The following CHLSN variants were observed in gnomAD, a reference collection of about 807,000 sequenced individuals.
CHLSN encodes the protein protein cholesin.
At chr7:1,069,412 C>T in the CHLSN span, among the ~76,000 whole-genome samples, 5 of 149,096 alleles carry the variant, frequency 3.4e-5, no homozygotes, top group African/African-American at 7.4e-5. Flanking sequence ...CATGCGGAGC[C>T]GAAGCTGGAC....
the CHLSN span, among the ~76,000 whole-genome samples, chr7:1,117,508 C>G: frequency 7.2e-6 from 1 of 138,710 alleles, no homozygotes; most frequent in Non-Finnish European, 1.5e-5. Context: ...GACATCCACG[C>G]AGGATGATGA....
the CHLSN span, among the ~76,000 whole-genome samples, chr7:1,035,897 C>T: frequency 4.6e-5 from 7 of 152,210 alleles, no homozygotes; most frequent in Non-Finnish European, 7.3e-5. Flanking sequence ...AGATGCCCTT[C>T]AGTAGGGGAC....
the CHLSN span, among the ~76,000 whole-genome samples, chr7:1,089,103 T>C: frequency 6.6e-6 from 1 of 152,122 alleles, no homozygotes; most frequent in East Asian, 1.9e-4. Flanking sequence ...TTCCAAAATT[T>C]CTACATTTAA....
chr7:1,053,801 TG>T, the CHLSN span, among the ~76,000 whole-genome samples: 4 of 152,188 alleles, frequency 2.6e-5, no homozygotes, highest in South Asian at 2.1e-4. Flanking sequence ...CACTCCAGCC[TG>T]GGCAACAGAG....
the CHLSN span, among the ~76,000 whole-genome samples, chr7:1,031,879 G>A: frequency 1.1e-4 from 16 of 151,968 alleles, no homozygotes; most frequent in Non-Finnish European, 1.3e-4. Context: ...GTCCAGGTGC[G>A]GGGGGCGGCC....
the CHLSN span, among the ~76,000 whole-genome samples, chr7:1,010,465 C>T: frequency 6.6e-6 from 1 of 152,224 alleles, no homozygotes; most frequent in African/African-American, 2.4e-5. Flanking sequence ...CCCCACCCCA[C>T]ACAGTGTGGG....
the CHLSN span, chr7:983,349 G>A: frequency 1.3e-6 from 2 of 1,537,600 alleles, no homozygotes; most frequent in Non-Finnish European, 1.7e-6. Context: ...ACCTGCACTT[G>A]CTGCGTCTGT....
At chr7:1,071,046 G>C in the CHLSN span, among the ~76,000 whole-genome samples, 1 of 152,208 alleles carries the variant, frequency 6.6e-6, no homozygotes, top group African/African-American at 2.4e-5. Flanking sequence ...ATGCAGCCCC[G>C]AGGCAGTGCC....
chr7:1,032,028 G>C, the CHLSN span, among the ~76,000 whole-genome samples: 3 of 152,142 alleles, frequency 2.0e-5, no homozygotes, highest in African/African-American at 7.2e-5. Flanking sequence ...GGCACCCCAA[G>C]ACCATGTGGA....
chr7:1,016,411 A>G, the CHLSN span, among the ~76,000 whole-genome samples: 3 of 77,108 alleles, frequency 3.9e-5, no homozygotes, highest in East Asian at 9.0e-4. Context: ...AGCAGCACAC[A>G]GCAGCGCACG....
the CHLSN span, chr7:988,672 C>G: frequency 6.2e-7 from 1 of 1,600,770 alleles, no homozygotes; most frequent in Non-Finnish European, 8.5e-7. Context: ...TGGCCAGGAC[C>G]GAGCTCTTCC....
chr7:1,016,711 G>A, the CHLSN span, among the ~76,000 whole-genome samples: 4 of 125,834 alleles, frequency 3.2e-5, 1 homozygote, highest in Non-Finnish European at 6.6e-5. Flanking sequence ...GCACACGCCA[G>A]CGCACAGCAG....
At chr7:1,083,996 T>A in the CHLSN span, among the ~76,000 whole-genome samples, 1,979 of 152,348 alleles carry the variant, frequency 0.013, 42 homozygotes, top group African/African-American at 0.045. Context: ...TGACAGCAGC[T>A]AACCTCCCCA....
the CHLSN span, among the ~76,000 whole-genome samples, chr7:1,044,844 G>T: frequency 6.6e-6 from 1 of 152,220 alleles, no homozygotes; most frequent in Admixed American, 6.5e-5. Flanking sequence ...GCTGTCCTCC[G>T]GCCGCGCTCC....
At chr7:979,562 G>A in the CHLSN span, among the ~76,000 whole-genome samples, 1 of 152,108 alleles carries the variant, frequency 6.6e-6, no homozygotes, top group African/African-American at 2.4e-5. Context: ...GACCAGCCTG[G>A]CCAACATGGT....
At chr7:997,827 T>A in the CHLSN span, 4 of 1,591,550 alleles carry the variant, frequency 2.5e-6, no homozygotes, top group Admixed American at 7.0e-5. Context: ...GAGATCGAGT[T>A]GGTCAGGGGC....
the CHLSN span, among the ~76,000 whole-genome samples, chr7:1,001,842 G>C: frequency 8.8e-6 from 1 of 114,158 alleles, no homozygotes; most frequent in African/African-American, 3.6e-5. Context: ...TGGGTGGGGA[G>C]TCCTGTGGGT....
chr7:992,479 C>T, the CHLSN span, among the ~76,000 whole-genome samples: 58 of 152,208 alleles, frequency 3.8e-4, no homozygotes, highest in Non-Finnish European at 7.8e-4. Context: ...ACGGAGACGC[C>T]GTTTAATGGA....
the CHLSN span, among the ~76,000 whole-genome samples, chr7:1,032,470 A>T: frequency 1.3e-4 from 19 of 151,340 alleles, no homozygotes; most frequent in African/African-American, 4.4e-4. Context: ...ACCGCCAGGC[A>T]CCCCCAGGTG....
Sources: gnomAD v4.1 joint callset for allele counts (sites outside exome capture counted in the v4.1 genomes callset) on GRCh38, gnomAD v4.1.1 for gene constraint, MANE v1.5 for transcripts, NCBI Gene and HGNC (gene_info 2026-07-23, HGNC 2026-07-21) for gene names.